The following PRICKLE2 variants were observed in gnomAD, a reference collection of about 807,000 sequenced individuals.
The protein encoded by PRICKLE2 is prickle planar cell polarity protein 2.
A neutral mutation model predicts 81.4 loss-of-function variants in PRICKLE2; 21 were observed. The observed-to-expected ratio is 0.26, with a 90% CI of 0.18 to 0.37. PRICKLE2 has a LOEUF of 0.37. Ranked by LOEUF, PRICKLE2 falls within the 10% of genes least tolerant of loss-of-function variation. The probability of loss-of-function intolerance (pLI) is 1.00; values close to 1 mark genes in which losing one functional copy is unlikely to be tolerated. For synonymous variants in PRICKLE2, 456 were observed against 421.5 expected (o/e 1.08, Z -1.00); for missense variants, 940 against 1,109.0 (o/e 0.85, Z 2.16).
rs541719355 is a variant in PRICKLE2 at position 64,184,730 on chromosome 3, T to C, written c.144+14054A>G. Among the ~76,000 whole-genome samples, 84 of 152,288 alleles carry C rather than the reference T, an allele frequency of 5.5e-4. 2 individuals carry two copies. The highest frequency in any genetic ancestry group is 6.2e-4 in the Non-Finnish European group (42 of 68,020). Reference sequence around the variant, plus strand: ...CAAGCCATCATTCAAGCGATCCTCCTGTCTCAGGCTCCAAGTAGCTTGGAT... The same window carrying C: ...CAAGCCATCATTCAAGCGATCCTCCCGTCTCAGGCTCCAAGTAGCTTGGAT... On this transcript the variant is annotated intron_variant, in intron 2 of 7. Transcript: ENST00000638394.
chr3:64,238,436 G>T (rs576076365), intron 2 of PRICKLE2, among the ~76,000 whole-genome samples: 1 of 148,088 alleles, frequency 6.8e-6, no homozygotes, highest in African/African-American at 2.5e-5. Flanking sequence ...GCAGTGAACC[G>T]AGATCACGCC....
Position 64,147,809 on chromosome 3 carries a change from G to A in PRICKLE2, c.788-107C>T. The A allele has an allele frequency of 8.5e-7, 1 of 1,176,456 alleles. No homozygotes were observed. Among genetic ancestry groups the A allele is most frequent in the Non-Finnish European group, 1.3e-6 (1 of 792,838 alleles). The allele number at this position is 1,176,456 out of a possible 1,614,324, so 72.9% of individuals were successfully genotyped here. On this transcript the variant is annotated intron_variant, in intron 6 of 7. Coordinates refer to ENST00000638394, the MANE Select transcript of PRICKLE2 (RefSeq NM_198859.4). This position sits in a 1 kb window ranked among gnomAD's most constrained non-coding sequence, Gnocchi z 5.0. ...TTGTCTCAGGATTCCAGGTGCGGCA[G>A]GATAAACTGTCAATAAATCAACAAT...
Position 64,147,674 on chromosome 3 carries a change from A to G in PRICKLE2, c.816T>C (p.Asp272=), listed in dbSNP as rs27673. The G allele has an allele frequency of 1, 1,606,483 of 1,613,902 alleles. 799,631 individuals carry two copies. The highest frequency in any genetic ancestry group is 1 in the East Asian group (44,859 of 44,860). ...TCTCAGTGGCATGCCAGTGTTGGCC[A>G]TCATAGGTCATTTGACCTTGGTCGA... is the stretch of plus-strand genomic sequence containing the variant. ...IGIDQGQMTY[D]GQHWHATETC... The change falls in exon 7 of 8, where the codon GAT becomes GAC. Residue 272 remains aspartate, a synonymous_variant. Transcript: ENST00000638394. This position sits in a 1 kb window ranked among gnomAD's most constrained non-coding sequence, Gnocchi z 5.0.
intron 2 of PRICKLE2, among the ~76,000 whole-genome samples, chr3:64,186,062 G>C (rs1443901767): frequency 6.6e-6 from 1 of 152,112 alleles, no homozygotes; most frequent in East Asian, 1.9e-4. Context: ...CTTTCATTTG[G>C]AATAATGATT....
intron 2 of PRICKLE2, among the ~76,000 whole-genome samples, chr3:64,168,691 G>C (rs914870650): frequency 1.3e-5 from 2 of 152,104 alleles, no homozygotes; most frequent in African/African-American, 4.8e-5. Context: ...CTCTCCTTCT[G>C]TTCTCCTTTA....
At position 64,097,649 on chromosome 3, in the gene PRICKLE2, C is replaced by G. The variant is rs1327828456; in HGVS notation, c.*1402G>C. The G allele has an allele frequency of 6.6e-6, 1 of 152,596 alleles. No individual in the cohort carries two copies. 9.5% of individuals were successfully genotyped at this position (152,596 alleles called of 1,614,324 possible). On this transcript the variant is annotated 3_prime_UTR_variant, in exon 8 of 8. Transcript: ENST00000638394. ...CCTCAAAGTTCAAAATGGAAATACC[C>G]TCCCAACAAAGCCTGTTTTTTTAAA...
intron 6 of PRICKLE2, among the ~76,000 whole-genome samples, chr3:64,150,231 T>C (rs2077523413): frequency 6.6e-6 from 1 of 152,014 alleles, no homozygotes; most frequent in African/African-American, 2.4e-5. Flanking sequence ...AGCAGCTGGT[T>C]GTAAAGATGC....
intron 5 of PRICKLE2, among the ~76,000 whole-genome samples, 177 bp downstream of exon 5, chr3:64,156,985 G>A (rs531694595): frequency 4.6e-5 from 7 of 152,270 alleles, no homozygotes; most frequent in African/African-American, 1.2e-4. Context: ...AAAGCAGGCC[G>A]CAACCCCAGA....
intron 1 of PRICKLE2, among the ~76,000 whole-genome samples, chr3:64,205,163 T>C (rs829523): frequency 0.9 from 136,810 of 151,348 alleles, 62,289 homozygotes; most frequent in South Asian, 0.98. Flanking sequence ...TGACATTCTA[T>C]CTGCACATAA....
chr3:64,108,256 T>C (rs1410709807), intron 7 of PRICKLE2, among the ~76,000 whole-genome samples: 1 of 152,194 alleles, frequency 6.6e-6, no homozygotes, highest in African/African-American at 2.4e-5. Context: ...CCCGAAGTCA[T>C]GGGCGCTACA....
intron 7 of PRICKLE2, among the ~76,000 whole-genome samples, chr3:64,109,719 G>T (rs1417765173): frequency 2.0e-5 from 3 of 152,196 alleles, no homozygotes; most frequent in African/African-American, 7.2e-5. Flanking sequence ...TTTACAACCA[G>T]CTGCTTCCAA....
intron 7 of PRICKLE2, among the ~76,000 whole-genome samples, chr3:64,119,378 T>C (rs2076991091): frequency 6.6e-6 from 1 of 152,004 alleles, no homozygotes; most frequent in Admixed American, 6.6e-5. Context: ...AAAATAAAAG[T>C]TGAAAGAAAT....
chr3:64,111,192 G>T (rs1319448113), intron 7 of PRICKLE2, among the ~76,000 whole-genome samples: 1 of 152,088 alleles, frequency 6.6e-6, no homozygotes, highest in South Asian at 2.1e-4. Context: ...GTATTAAATG[G>T]GTTAAAACAC....
At position 64,153,447 on chromosome 3, in the gene PRICKLE2, T is replaced by C. The variant is rs2077578222; in HGVS notation, c.601-79A>G. 2.2e-6 allele frequency: 3 copies of C among 1,391,186 alleles called. No homozygotes were observed. In the South Asian group the frequency reaches 3.5e-5, roughly 16 times the overall value. The allele number at this position is 1,391,186 out of a possible 1,614,324, so 86.2% of individuals were successfully genotyped here. On this transcript the variant is annotated intron_variant, in intron 5 of 7. Transcript: ENST00000638394. ...TTAAAGGAAGAAAGCTATGGGGTCC[T>C]TGAACTAGAAGGGTAAGAAAGCAGA...
chr3:64,264,509 TTC>T (rs2079667992), intron 2 of PRICKLE2, among the ~76,000 whole-genome samples: 1 of 152,176 alleles, frequency 6.6e-6, no homozygotes, highest in Non-Finnish European at 1.5e-5. Flanking sequence ...ACAGGCATCA[TTC>T]TGTTTACTGA....
At chr3:64,241,151 T>C (rs992957122) in intron 2 of PRICKLE2, among the ~76,000 whole-genome samples, 11 of 152,240 alleles carry the variant, frequency 7.2e-5, no homozygotes, top group African/African-American at 2.7e-4. Flanking sequence ...GGCATTGCTA[T>C]ATTTCAATAA....
intron 3 of PRICKLE2, 87 bp downstream of exon 3, chr3:64,162,929 T>A: frequency 1.1e-6 from 1 of 885,668 alleles, no homozygotes; most frequent in South Asian, 1.3e-5. Flanking sequence ...CTTCTTCGGC[T>A]ACCTCATTGG....
At chr3:64,226,693 G>C (rs1204851293), upstream of PRICKLE2, among the ~76,000 whole-genome samples, 1 of 152,154 alleles carries the variant, frequency 6.6e-6, no homozygotes, top group East Asian at 1.9e-4. Flanking sequence ...CTATCTACTA[G>C]GCTGATCACT....
chr3:64,202,545 T>C (rs534935699), intron 1 of PRICKLE2, among the ~76,000 whole-genome samples: 3 of 152,260 alleles, frequency 2.0e-5, no homozygotes, highest in East Asian at 1.9e-4. Flanking sequence ...CACTTTCAGG[T>C]AGTTATTGTA....
Sources: gnomAD v4.1 joint callset for allele counts (sites outside exome capture counted in the v4.1 genomes callset) on GRCh38, gnomAD v4.1.1 for gene constraint, Gnocchi (gnomAD v3.1) non-coding constraint, MANE v1.5 for transcripts, NCBI Gene and HGNC (gene_info 2026-07-23, HGNC 2026-07-21) for gene names.